DLGAP1: variants seen among roughly 807,000 people sequenced by gnomAD.
DLGAP1 encodes the protein DLG associated protein 1.
Under a neutral mutation model 90.8 loss-of-function variants are expected in DLGAP1, and 11 were observed. The ratio of observed to expected loss-of-function variants is 0.12; its 90% CI spans 0.08 to 0.20. The LOEUF (loss-of-function observed/expected upper bound fraction) is 0.20, where lower values mean the gene tolerates loss of function less well. DLGAP1 is among the 10% of genes least tolerant of loss of function. The pLI is 1.00. For missense variants in DLGAP1, 1,050 were observed against 1,333.8 expected (o/e 0.79, Z 3.31); for synonymous variants, 558 against 540.7 (o/e 1.03, Z -0.44).
intron 1 of DLGAP1, among the ~76,000 whole-genome samples, chr18:4,403,310 G>T (rs768829295): frequency 1.9e-4 from 29 of 151,916 alleles, no homozygotes; most frequent in Non-Finnish European, 3.5e-4. Flanking sequence ...AAATATACCT[G>T]GAATATATAG....
chr18:3,698,688 G>A (rs1215367722), intron 7 of DLGAP1, among the ~76,000 whole-genome samples: 1 of 152,074 alleles, frequency 6.6e-6, no homozygotes, highest in Non-Finnish European at 1.5e-5. Flanking sequence ...ATGTTGGCCT[G>A]TCTTGCTAGG....
At chr18:4,386,606 G>A (rs764867987) in intron 1 of DLGAP1, among the ~76,000 whole-genome samples, 34 of 152,200 alleles carry the variant, frequency 2.2e-4, no homozygotes, top group Non-Finnish European at 2.2e-4. Context: ...CTGGCTCAGA[G>A]TTAATACAGG....
intron 1 of DLGAP1, among the ~76,000 whole-genome samples, chr18:4,453,308 C>T (rs2083880435): frequency 6.6e-6 from 1 of 152,124 alleles, no homozygotes; most frequent in Non-Finnish European, 1.5e-5. Context: ...TTTGCATAGA[C>T]ATATTCATTA....
intron 1 of DLGAP1, among the ~76,000 whole-genome samples, chr18:4,340,923 G>C (rs1171529035): frequency 6.6e-6 from 1 of 152,034 alleles, no homozygotes; most frequent in African/African-American, 2.4e-5. Context: ...CTAAATAATA[G>C]ACTTTTACAA....
chr18:3,687,338 T>C (rs998035397), intron 7 of DLGAP1, among the ~76,000 whole-genome samples: 18 of 152,224 alleles, frequency 1.2e-4, no homozygotes, highest in African/African-American at 4.3e-4. Flanking sequence ...CTTTTCTGAT[T>C]ATATGATCTA....
chr18:4,406,417 T>A (rs908556414), intron 1 of DLGAP1, among the ~76,000 whole-genome samples: 1 of 152,196 alleles, frequency 6.6e-6, no homozygotes, highest in Non-Finnish European at 1.5e-5. Context: ...TTCTCCTGCC[T>A]CAAGAGAATT....
At chr18:3,897,818 C>G (rs528625639) in intron 3 of DLGAP1, among the ~76,000 whole-genome samples, 2 of 126,578 alleles carry the variant, frequency 1.6e-5, no homozygotes, top group East Asian at 4.7e-4. Flanking sequence ...GACGGAGTCT[C>G]GCTCTGTCGC....
intron 4 of DLGAP1, among the ~76,000 whole-genome samples, chr18:3,831,630 A>G (rs2148560001): frequency 6.6e-6 from 1 of 152,336 alleles, no homozygotes; most frequent in Admixed American, 6.5e-5. Context: ...CTTCACATAC[A>G]AACAAAGAAA....
intron 1 of DLGAP1, among the ~76,000 whole-genome samples, chr18:4,300,303 A>T (rs2080091757): frequency 6.6e-6 from 1 of 152,134 alleles, no homozygotes; most frequent in African/African-American, 2.4e-5. Context: ...GCCACTTATA[A>T]ATTATGCACA....
intron 2 of DLGAP1, among the ~76,000 whole-genome samples, chr18:4,119,899 A>T (rs1366977816): frequency 1.3e-5 from 2 of 152,234 alleles, no homozygotes; most frequent in Admixed American, 1.3e-4. Context: ...AAATTACTTG[A>T]CATAGGCACC....
At chr18:4,024,590 C>T (rs1027051957) in intron 2 of DLGAP1, among the ~76,000 whole-genome samples, 2 of 152,158 alleles carry the variant, frequency 1.3e-5, no homozygotes, top group Non-Finnish European at 2.9e-5. Context: ...ACTCACGTGG[C>T]CACATCTGTC....
rs540381817 is a variant in DLGAP1 at position 4,219,542 on chromosome 18, A to G, written c.-266-68255T>C. 7.9e-5 allele frequency among the ~76,000 whole-genome samples: 12 copies of G among 152,098 alleles called. No individual in the cohort carries two copies. The East Asian group carries it at 2.3e-3, about 29-fold the overall frequency. ...GTGCTTTTGGGGTCATATCTAAAAA[A>G]TCACTGCCCAGACCAATGTTACGGA... On this transcript the variant is annotated intron_variant, in intron 1 of 12. Transcript: ENST00000315677.
At chr18:4,418,305 T>C (rs982924766) in intron 1 of DLGAP1, among the ~76,000 whole-genome samples, 2 of 151,936 alleles carry the variant, frequency 1.3e-5, no homozygotes, top group East Asian at 1.9e-4. Context: ...ATAAAGTATA[T>C]AGAAAGGCAA....
chr18:4,157,508 G>T (rs147369445), intron 1 of DLGAP1, among the ~76,000 whole-genome samples: 1 of 152,164 alleles, frequency 6.6e-6, no homozygotes, highest in Non-Finnish European at 1.5e-5. Flanking sequence ...GTGTATAAGA[G>T]ATTTCAAGGC....
At chr18:3,992,306 A>G (rs2073985582) in intron 3 of DLGAP1, among the ~76,000 whole-genome samples, 1 of 152,218 alleles carries the variant, frequency 6.6e-6, no homozygotes, top group Non-Finnish European at 1.5e-5. Context: ...AGTTCATAAA[A>G]TGATTTTTAA....
intron 1 of DLGAP1, among the ~76,000 whole-genome samples, chr18:4,199,381 A>G (rs988146829): frequency 6.6e-6 from 1 of 152,246 alleles, no homozygotes; most frequent in African/African-American, 2.4e-5. Flanking sequence ...CACTATGAAG[A>G]ATACTTATAA....
At chr18:4,108,379 C>A (rs1327167961) in intron 2 of DLGAP1, among the ~76,000 whole-genome samples, 1 of 152,128 alleles carries the variant, frequency 6.6e-6, no homozygotes, top group Non-Finnish European at 1.5e-5. Flanking sequence ...GGCTTTGGGT[C>A]TCCTTTCTGA....
At chr18:4,137,753 C>T (rs964611011) in intron 2 of DLGAP1, among the ~76,000 whole-genome samples, 2 of 152,114 alleles carry the variant, frequency 1.3e-5, no homozygotes, top group African/African-American at 4.8e-5. Context: ...TTCTTCCATC[C>T]TATGAACATG....
intron 3 of DLGAP1, among the ~76,000 whole-genome samples, chr18:3,965,533 A>ATAACATAAT (rs2148993486): frequency 6.6e-6 from 1 of 152,380 alleles, no homozygotes. Flanking sequence ...TGATCAAATC[A>ATAACATAAT]TAACATAATA....
Sources: gnomAD v4.1 joint callset for allele counts (sites outside exome capture counted in the v4.1 genomes callset) on GRCh38, gnomAD v4.1.1 for gene constraint, MANE v1.5 for transcripts, NCBI Gene and HGNC (gene_info 2026-07-23, HGNC 2026-07-21) for gene names.